TENM2: variants seen among roughly 807,000 people sequenced by gnomAD.
The protein encoded by TENM2 is teneurin-2.
In TENM2, 52 loss-of-function variants were observed where a neutral mutation model predicts 245.2. The observed-to-expected ratio is 0.21, with a 90% CI of 0.17 to 0.27. TENM2 has a LOEUF of 0.27. Among genes scored for constraint, TENM2 ranks in the 10% least tolerant of loss-of-function variants. The probability of loss-of-function intolerance (pLI) is 1.00; values close to 1 mark genes in which losing one functional copy is unlikely to be tolerated. For synonymous variants in TENM2, 1,363 were observed against 1,438.9 expected (o/e 0.95, Z 1.19); for missense variants, 3,046 against 3,666.8 (o/e 0.83, Z 4.37).
chr5:168,137,247 G>T (rs1457822288), intron 12 of TENM2, among the ~76,000 whole-genome samples: 1 of 152,232 alleles, frequency 6.6e-6, no homozygotes, highest in Admixed American at 6.5e-5. Context: ...AATTAGCAAT[G>T]AAGTTGGTTA....
chr5:167,000,356 C>G, the TENM2 span, among the ~76,000 whole-genome samples: 13 of 152,220 alleles, frequency 8.5e-5, no homozygotes, highest in African/African-American at 2.6e-4. Context: ...CTTCCATTTG[C>G]TTTATGAAAT....
chr5:167,647,421 G>A (rs539864764), intron 2 of TENM2, among the ~76,000 whole-genome samples: 8 of 152,114 alleles, frequency 5.3e-5, no homozygotes, highest in East Asian at 1.9e-4. Flanking sequence ...TCGGGAGTTC[G>A]AGATAAGCCT....
chr5:167,663,453 T>C lies in TENM2; in HGVS notation c.503-212533T>C, dbSNP rs756920151. On this transcript the variant is annotated intron_variant, in intron 2 of 28. Transcript: ENST00000518659. ...CTATCTGTTGAGAATAAACTCTTTT[T>C]CTCTGTAGGCAATCTGAGTTTTAAA... 3.9e-4 allele frequency among the ~76,000 whole-genome samples: 60 copies of C among 152,336 alleles called. 1 individual carries two copies. The highest frequency in any genetic ancestry group is 7.4e-4 in the Non-Finnish European group (50 of 68,024).
At chr5:167,199,097 T>TAAAAAAAAAAA in the TENM2 span, among the ~76,000 whole-genome samples, 2 of 79,328 alleles carry the variant, frequency 2.5e-5, no homozygotes, top group Non-Finnish European at 5.3e-5. Flanking sequence ...TGATATGAAG[T>TAAAAAAAAAAA]AAAAAAAAAA....
intron 19 of TENM2, among the ~76,000 whole-genome samples, chr5:168,208,139 GAAC>G (rs1314571377): frequency 6.6e-6 from 1 of 152,126 alleles, no homozygotes; most frequent in East Asian, 1.9e-4. Context: ...CCCAGTTTTA[GAAC>G]ATCTTAGGAA....
intron 2 of TENM2, among the ~76,000 whole-genome samples, chr5:167,495,302 C>T (rs1389190478): frequency 1.3e-5 from 2 of 150,358 alleles, no homozygotes; most frequent in Non-Finnish European, 3.0e-5. Flanking sequence ...AACATGGACA[C>T]AAATTTGGCA....
intron 4 of TENM2, among the ~76,000 whole-genome samples, chr5:167,966,169 G>C (rs1216499910): frequency 6.6e-6 from 1 of 152,186 alleles, no homozygotes; most frequent in Admixed American, 6.5e-5. Context: ...ACTCCATGGT[G>C]GTGGCAGCAT....
chr5:167,175,544 C>T, the TENM2 span, among the ~76,000 whole-genome samples: 4 of 152,250 alleles, frequency 2.6e-5, no homozygotes, highest in African/African-American at 9.6e-5. Context: ...TCGTACCCCA[C>T]ATTCAATTAA....
intron 17 of TENM2, among the ~76,000 whole-genome samples, chr5:168,203,269 C>A (rs1175832998): frequency 6.6e-6 from 1 of 152,172 alleles, no homozygotes; most frequent in African/African-American, 2.4e-5. Flanking sequence ...AGGGCTTTCT[C>A]CTAGTAAGTG....
At chr5:168,037,183 G>A (rs1281077782) in intron 5 of TENM2, among the ~76,000 whole-genome samples, 2 of 151,890 alleles carry the variant, frequency 1.3e-5, no homozygotes, top group African/African-American at 4.8e-5. Flanking sequence ...TTTTATTTCT[G>A]AGTTTGAAAA....
At chr5:168,232,116 C>T (rs1252656860) in intron 25 of TENM2, among the ~76,000 whole-genome samples, 1 of 152,078 alleles carries the variant, frequency 6.6e-6, no homozygotes, top group Non-Finnish European at 1.5e-5. Context: ...TGGAGGAAGA[C>T]AGATGAGAAG....
exon 2 of TENM2, chr5:167,375,266 G>C: frequency 6.4e-7 from 1 of 1,551,694 alleles, no homozygotes; most frequent in Non-Finnish European, 8.7e-7. Flanking sequence ...CTACTGCTCC[G>C]ACATGGGGAT....
At chr5:168,055,812 A>G (rs1362622287) in intron 6 of TENM2, among the ~76,000 whole-genome samples, 2 of 152,172 alleles carry the variant, frequency 1.3e-5, no homozygotes, top group African/African-American at 4.8e-5. Context: ...GAGTAGACAG[A>G]CTCAGAGAGG....
At chr5:167,474,798 G>C (rs1023884553) in intron 2 of TENM2, among the ~76,000 whole-genome samples, 1 of 152,214 alleles carries the variant, frequency 6.6e-6, no homozygotes, top group Non-Finnish European at 1.5e-5. Flanking sequence ...TTACAGGCGT[G>C]AGCCATTGCA....
At chr5:167,680,927 C>CCGTCT (rs140569555) in intron 2 of TENM2, among the ~76,000 whole-genome samples, 6 of 151,448 alleles carry the variant, frequency 4.0e-5, no homozygotes, top group African/African-American at 1.2e-4. Flanking sequence ...GTGTCATAAA[C>CCGTCT]TTGAATGATG....
At chr5:167,004,348 G>A in the TENM2 span, among the ~76,000 whole-genome samples, 1 of 152,128 alleles carries the variant, frequency 6.6e-6, no homozygotes, top group Non-Finnish European at 1.5e-5. Flanking sequence ...CAAAAGTCAT[G>A]TTTTATAGAA....
intron 3 of TENM2, among the ~76,000 whole-genome samples, chr5:167,876,616 G>T (rs764725924): frequency 6.6e-6 from 1 of 152,082 alleles, no homozygotes; most frequent in Non-Finnish European, 1.5e-5. Flanking sequence ...GTTGTTGTTT[G>T]TTTGTTTGTT....
chr5:167,752,261 ATTTTTTTT>A lies in TENM2; in HGVS notation c.503-123708_503-123701del, dbSNP rs575290973. Among the ~76,000 whole-genome samples the A allele has an allele frequency of 1.6e-3, 194 of 123,346 alleles. 1 individual carries two copies. The highest frequency in any genetic ancestry group is 0.011 in the East Asian group (48 of 4,370). The allele number at this position is 123,346 out of a possible 152,430, so 80.9% of individuals were successfully genotyped here. On this transcript the variant is annotated intron_variant, in intron 2 of 28. Transcript: ENST00000518659. ...AGGTGCCCGCCACCATGCCCAGCTA[ATTTTTTTT>A]TTTTTTTTTTTTTTTTGTATTTTAA...
intron 3 of TENM2, among the ~76,000 whole-genome samples, chr5:167,946,790 T>C (rs1583452221): frequency 6.6e-6 from 1 of 152,254 alleles, no homozygotes; most frequent in Non-Finnish European, 1.5e-5. Flanking sequence ...ATCTGTGAAA[T>C]GGGCATGATA....
Sources: gnomAD v4.1 joint callset for allele counts (sites outside exome capture counted in the v4.1 genomes callset) on GRCh38, gnomAD v4.1.1 for gene constraint, MANE v1.5 for transcripts, NCBI Gene and HGNC (gene_info 2026-07-23, HGNC 2026-07-21) for gene names.